The following INPP5B variants were observed in gnomAD, a reference collection of about 807,000 sequenced individuals.
INPP5B encodes type II inositol 1,4,5-trisphosphate 5-phosphatase.
A neutral mutation model predicts 118.5 loss-of-function variants in INPP5B; 90 were observed. That is an observed-to-expected ratio of 0.76 (90% CI 0.64 to 0.90). The LOEUF (loss-of-function observed/expected upper bound fraction) is 0.90, where lower values mean the gene tolerates loss of function less well. Ranked by LOEUF, INPP5B falls within the 40% of genes least tolerant of loss-of-function variation. INPP5B has a pLI of 0.00. For synonymous variants in INPP5B, 385 were observed against 418.9 expected (o/e 0.92, Z 0.99); for missense variants, 984 against 1,125.6 (o/e 0.87, Z 1.80).
At chr1:37,932,559 G>A (rs973510108) in intron 6 of INPP5B, among the ~76,000 whole-genome samples, 4 of 151,860 alleles carry the variant, frequency 2.6e-5, no homozygotes, top group Non-Finnish European at 5.9e-5. Context: ...AGTAGAGACG[G>A]GGTTTCACCG....
chr1:37,884,671 G>C (rs1382702491), intron 13 of INPP5B, among the ~76,000 whole-genome samples: 1 of 152,142 alleles, frequency 6.6e-6, no homozygotes, highest in African/African-American at 2.4e-5. Context: ...AAAACAAATG[G>C]CCGGGCGTGG....
At chr1:37,945,158 C>T (rs768133535) in intron 3 of INPP5B, among the ~76,000 whole-genome samples, 2 of 151,756 alleles carry the variant, frequency 1.3e-5, no homozygotes, top group South Asian at 2.1e-4. Flanking sequence ...AGGCTGGGCA[C>T]GCTGGCTCAT....
intron 14 of INPP5B, 38 bp from the exon 15 acceptor site, chr1:37,880,232 A>G: frequency 2.0e-6 from 3 of 1,474,806 alleles, no homozygotes; most frequent in South Asian, 1.1e-5. Context: ...ATATCAGAAT[A>G]AAAAGGTCAA....
At chr1:37,878,929 C>T (rs990602779) in intron 15 of INPP5B, among the ~76,000 whole-genome samples, 2 of 147,696 alleles carry the variant, frequency 1.4e-5, no homozygotes, top group Admixed American at 6.8e-5. Flanking sequence ...GGATTACAGG[C>T]GTGAGCCACC....
chr1:37,919,850 C>T (rs1217772928), intron 7 of INPP5B, among the ~76,000 whole-genome samples: 1 of 151,920 alleles, frequency 6.6e-6, no homozygotes, highest in Non-Finnish European at 1.5e-5. Flanking sequence ...GGCTGAGGCA[C>T]AAGAATCACT....
At chr1:37,876,713 A>AAAC (rs1642845145) in intron 16 of INPP5B, among the ~76,000 whole-genome samples, 2 of 148,462 alleles carry the variant, frequency 1.3e-5, no homozygotes, top group Non-Finnish European at 1.5e-5. Context: ...CAAAAAAAAA[A>AAAC]AAAAAAAAAA....
intron 7 of INPP5B, among the ~76,000 whole-genome samples, chr1:37,912,933 T>C (rs1406879225): frequency 8.7e-5 from 12 of 137,998 alleles, no homozygotes; most frequent in African/African-American, 2.8e-4. Flanking sequence ...CACAGAGGCC[T>C]CGACTTACTC....
chr1:37,877,391 G>A (rs1412799136), intron 16 of INPP5B, among the ~76,000 whole-genome samples: 1 of 151,854 alleles, frequency 6.6e-6, no homozygotes, highest in Non-Finnish European at 1.5e-5. Flanking sequence ...GATCTCATAG[G>A]TAATCAGGGA....
At chr1:37,906,753 G>A (rs540808107) in intron 7 of INPP5B, among the ~76,000 whole-genome samples, 110 of 151,882 alleles carry the variant, frequency 7.2e-4, no homozygotes, top group Non-Finnish European at 1.3e-3. Context: ...CCAGATACTC[G>A]GGAGGTTGAG....
chr1:37,917,514 T>C (rs1312682680), intron 7 of INPP5B, among the ~76,000 whole-genome samples: 1 of 151,038 alleles, frequency 6.6e-6, no homozygotes, highest in African/African-American at 2.4e-5. Flanking sequence ...AGTAGAGACA[T>C]GGTTTCACCA....
chr1:37,898,911 G>A (rs1431177732), intron 7 of INPP5B, among the ~76,000 whole-genome samples: 1 of 152,146 alleles, frequency 6.6e-6, no homozygotes, highest in Non-Finnish European at 1.5e-5. Flanking sequence ...ACCAGGAGCA[G>A]TGGCTCACGT....
chr1:37,946,847 C>G (rs556479452), intron 1 of INPP5B, 143 bp downstream of exon 1: 1 of 153,138 alleles, frequency 6.5e-6, no homozygotes, highest in African/African-American at 2.4e-5. Flanking sequence ...CCTTCACCCC[C>G]GCCCCAGCAG....
At chr1:37,883,153 A>C in intron 13 of INPP5B, 1 of 985,370 alleles carries the variant, frequency 1.0e-6, no homozygotes. Context: ...CTCCTTAGCT[A>C]TTTTATTCTT....
At chr1:37,882,045 G>A (rs775445082) in intron 14 of INPP5B, among the ~76,000 whole-genome samples, 28 of 151,544 alleles carry the variant, frequency 1.8e-4, no homozygotes, top group Admixed American at 2.6e-4. Context: ...GTTGCAGCGA[G>A]CTGAGGTCAC....
At chr1:37,870,127 A>G (rs1642321833) in intron 19 of INPP5B, 1 of 151,766 alleles carries the variant, frequency 6.6e-6, no homozygotes, top group Non-Finnish European at 1.5e-5. Flanking sequence ...TCATTATTTT[A>G]GAATTCATGG....
At chr1:37,935,444 T>C (rs1341182753) in intron 6 of INPP5B, among the ~76,000 whole-genome samples, 5 of 151,192 alleles carry the variant, frequency 3.3e-5, no homozygotes, top group Admixed American at 2.6e-4. Flanking sequence ...CGCCCCGCCT[T>C]GGCCTCCCAA....
intron 16 of INPP5B, among the ~76,000 whole-genome samples, chr1:37,877,133 G>A (rs1470661805): frequency 2.6e-5 from 4 of 151,804 alleles, no homozygotes; most frequent in East Asian, 3.9e-4. Context: ...TTGGGAGGCC[G>A]AGTCAGGTGG....
At chr1:37,891,901 T>C (rs1156287979) in intron 7 of INPP5B, among the ~76,000 whole-genome samples, 1 of 152,228 alleles carries the variant, frequency 6.6e-6, no homozygotes, top group Non-Finnish European at 1.5e-5. Flanking sequence ...AAAGGGCCTA[T>C]GCTGATGTCT....
chr1:37,925,939 G>A (rs1645211229), intron 7 of INPP5B, among the ~76,000 whole-genome samples: 1 of 152,184 alleles, frequency 6.6e-6, no homozygotes, highest in African/African-American at 2.4e-5. Flanking sequence ...AGCCTGCAGA[G>A]CTTCCCACAA....
Sources: gnomAD v4.1 joint callset for allele counts (sites outside exome capture counted in the v4.1 genomes callset) on GRCh38, gnomAD v4.1.1 for gene constraint, MANE v1.5 for transcripts, NCBI Gene and HGNC (gene_info 2026-07-23, HGNC 2026-07-21) for gene names.